The following ZWILCH variants were observed in gnomAD, a reference collection of about 807,000 sequenced individuals.
ZWILCH encodes the protein zwilch kinetochore protein, also known as protein zwilch homolog.
A neutral mutation model predicts 79.9 loss-of-function variants in ZWILCH; 74 were observed. That is an observed-to-expected ratio of 0.93 (90% CI 0.77 to 1.12). ZWILCH has a LOEUF of 1.12. Ranked by LOEUF, ZWILCH falls within the 50% of genes most tolerant of loss-of-function variation. ZWILCH has a pLI of 0.00. For synonymous variants in ZWILCH, 241 were observed against 228.2 expected (o/e 1.06, Z -0.51); for missense variants, 694 against 687.5 (o/e 1.01, Z -0.11).
intron 13 of ZWILCH, 124 bp downstream of exon 13, chr15:66,532,527 G>A: frequency 2.6e-6 from 2 of 776,044 alleles, no homozygotes; most frequent in Non-Finnish European, 3.9e-6. Flanking sequence ...TTTGTACCTG[G>A]TTCACTATGA....
intron 8 of ZWILCH, among the ~76,000 whole-genome samples, chr15:66,524,699 T>C (rs1410468075): frequency 6.6e-6 from 1 of 152,218 alleles, no homozygotes; most frequent in Non-Finnish European, 1.5e-5. Flanking sequence ...AGTGCCTGGT[T>C]CCCTATTGTG....
chr15:66,543,377 G>A (rs74576796), intron 17 of ZWILCH, among the ~76,000 whole-genome samples: 1,968 of 152,252 alleles, frequency 0.013, 35 homozygotes, highest in African/African-American at 0.045. Flanking sequence ...TCCAACTTTA[G>A]CCATGAGATG....
At position 66,527,840 on chromosome 15, in the gene ZWILCH, C is replaced by G. The variant is rs1177501956; in HGVS notation, c.914-17C>G. Reference sequence around the variant, plus strand: ...AGCAGAAAAATCAAGAGCTAATAAACTTTTGCCACTTTCTAGACTTAAATA... The same window carrying G: ...AGCAGAAAAATCAAGAGCTAATAAAGTTTTGCCACTTTCTAGACTTAAATA... On this transcript the variant is annotated splice_polypyrimidine_tract_variant and intron_variant, in intron 9 of 18. Coordinates refer to ENST00000307897, the MANE Select transcript of ZWILCH (RefSeq NM_017975.5). 1 of 1,591,604 alleles carries G rather than the reference C, an allele frequency of 6.3e-7. No homozygotes were observed. Among genetic ancestry groups the G allele is most frequent in the Non-Finnish European group, 8.5e-7 (1 of 1,173,944 alleles).
intron 3 of ZWILCH, 55 bp from the exon 4 acceptor site, chr15:66,515,471 G>C: frequency 9.4e-7 from 1 of 1,063,760 alleles, no homozygotes; most frequent in Non-Finnish European, 1.4e-6. Flanking sequence ...TAAAGAGTCA[G>C]CTGCTATCCT....
At chr15:66,518,288 C>CTTTTT (rs537865347) in intron 4 of ZWILCH, among the ~76,000 whole-genome samples, 1 of 124,030 alleles carries the variant, frequency 8.1e-6, no homozygotes. Flanking sequence ...CCTCTCGTGT[C>CTTTTT]TTTTTTTTTT....
intron 2 of ZWILCH, among the ~76,000 whole-genome samples, chr15:66,512,323 A>G (rs1894097570): frequency 6.6e-6 from 1 of 151,896 alleles, no homozygotes; most frequent in Non-Finnish European, 1.5e-5. Context: ...CAGTAGTATG[A>G]TCAAAGTTCA....
intron 2 of ZWILCH, among the ~76,000 whole-genome samples, chr15:66,510,125 C>CAGAGATCGCACCA: frequency 6.7e-6 from 1 of 149,640 alleles, no homozygotes; most frequent in African/African-American, 2.4e-5. Context: ...TTGCAGTGAG[C>CAGAGATCGCACCA]CAAAATTAAG....
intron 7 of ZWILCH, among the ~76,000 whole-genome samples, chr15:66,523,010 A>G (rs1186509097): frequency 6.6e-6 from 1 of 152,058 alleles, no homozygotes; most frequent in Non-Finnish European, 1.5e-5. Context: ...TTTAGTAGGG[A>G]CGGGGTTTCG....
chr15:66,537,959 G>A (rs1895066824), intron 16 of ZWILCH, among the ~76,000 whole-genome samples: 1 of 152,100 alleles, frequency 6.6e-6, no homozygotes. Context: ...GGAAAGTATA[G>A]CCAGAAAGGA....
intron 14 of ZWILCH, among the ~76,000 whole-genome samples, chr15:66,535,025 C>A (rs1161244063): frequency 6.6e-6 from 1 of 151,784 alleles, no homozygotes; most frequent in African/African-American, 2.4e-5. Context: ...ATTCTATGAG[C>A]TTTTTTCTAT....
At chr15:66,532,577 A>G (rs182107828) in intron 13 of ZWILCH, among the ~76,000 whole-genome samples, 174 bp downstream of exon 13, 1 of 151,932 alleles carries the variant, frequency 6.6e-6, no homozygotes, top group East Asian at 1.9e-4. Flanking sequence ...TTTCCCCCCA[A>G]TAAAGATATC....
At chr15:66,523,054 C>A (rs1436093572) in intron 7 of ZWILCH, among the ~76,000 whole-genome samples, 1 of 152,216 alleles carries the variant, frequency 6.6e-6, no homozygotes, top group African/African-American at 2.4e-5. Context: ...AACTTCTGAC[C>A]TCAACTGATT....
At chr15:66,532,561 C>T (rs546662168) in intron 13 of ZWILCH, among the ~76,000 whole-genome samples, 158 bp downstream of exon 13, 5 of 151,920 alleles carry the variant, frequency 3.3e-5, no homozygotes, top group African/African-American at 1.2e-4. Flanking sequence ...CTTCTCTGGG[C>T]CTTAGTTTCC....
At chr15:66,521,780 C>T (rs891352549) in intron 7 of ZWILCH, among the ~76,000 whole-genome samples, 2 of 152,078 alleles carry the variant, frequency 1.3e-5, no homozygotes, top group Non-Finnish European at 1.5e-5. Flanking sequence ...GGATTATAGG[C>T]GTGAGCCACT....
chr15:66,534,878 A>G (rs1384327163), intron 14 of ZWILCH, among the ~76,000 whole-genome samples: 1 of 152,224 alleles, frequency 6.6e-6, no homozygotes, highest in Non-Finnish European at 1.5e-5. Context: ...TTCAATAAAA[A>G]TTTAACCATA....
At chr15:66,508,720 G>A in intron 1 of ZWILCH, 121 bp from the exon 2 acceptor site, 1 of 1,481,956 alleles carries the variant, frequency 6.7e-7, no homozygotes, top group Non-Finnish European at 9.0e-7. Context: ...GCTGCTGTAA[G>A]TACTTGCTTT....
intron 12 of ZWILCH, 83 bp downstream of exon 12, chr15:66,529,656 A>T: frequency 9.4e-7 from 1 of 1,067,854 alleles, no homozygotes; most frequent in Non-Finnish European, 1.4e-6. Context: ...CAACTGCCTG[A>T]GTCTGAATTT....
At chr15:66,522,430 C>T (rs751686623) in intron 7 of ZWILCH, among the ~76,000 whole-genome samples, 5 of 150,820 alleles carry the variant, frequency 3.3e-5, no homozygotes, top group Non-Finnish European at 7.4e-5. Flanking sequence ...GCCTCCCTCC[C>T]GGGTTCAAGC....
At position 66,509,820 on chromosome 15, in the gene ZWILCH, TAC is replaced by T. The variant is rs1400755572; in HGVS notation, c.105+930_105+931del. On this transcript the variant is annotated intron_variant, in intron 2 of 18. Transcript: ENST00000307897. ...ATCTATAATTATGTGTGTGTGTGGC[TAC>T]ATATATATATATATATATATATATA... 3.6e-3 allele frequency among the ~76,000 whole-genome samples: 213 copies of T among 59,578 alleles called. 1 individual carries two copies. The highest frequency in any genetic ancestry group is 6.5e-3 in the Non-Finnish European group (177 of 27,202). 39.1% of individuals were successfully genotyped at this position (59,578 alleles called of 152,430 possible). A position where few individuals can be genotyped will look rare whatever the true frequency, so the allele number is the denominator to read the frequency against.
Sources: allele counts gnomAD v4.1 joint callset (sites outside exome capture counted in the v4.1 genomes callset), GRCh38; gene constraint gnomAD v4.1.1; transcripts MANE v1.5; gene names NCBI Gene and HGNC (gene_info 2026-07-23, HGNC 2026-07-21).